MAB21L3: variants seen among roughly 807,000 people sequenced by gnomAD.
MAB21L3 encodes the protein mab-21 like 3, also known as protein mab-21-like 3.
Under a neutral mutation model 37.7 loss-of-function variants are expected in MAB21L3, and 36 were observed. The observed-to-expected ratio is 0.96, with a 90% CI of 0.73 to 1.26. The LOEUF is 1.26. Among genes scored for constraint, MAB21L3 ranks in the 50% most tolerant of loss-of-function variants. The probability of loss-of-function intolerance (pLI) is 0.00; values close to 1 mark genes in which losing one functional copy is unlikely to be tolerated. For missense variants in MAB21L3, 430 were observed against 447.3 expected, an observed-to-expected ratio of 0.96 and a Z score of 0.35; for synonymous variants, 186 against 176.8, an observed-to-expected ratio of 1.05 and a Z score of -0.41.
chr1:116,131,673 C>T (rs2101619245), intron 7 of MAB21L3, among the ~76,000 whole-genome samples: 1 of 152,264 alleles, frequency 6.6e-6, no homozygotes, highest in East Asian at 1.9e-4. Flanking sequence ...CGCCACCACG[C>T]CTGGCTAATT....
chr1:116,132,852 AT>A (rs758092935), intron 7 of MAB21L3, among the ~76,000 whole-genome samples: 44 of 152,114 alleles, frequency 2.9e-4, no homozygotes, highest in Non-Finnish European at 5.1e-4. Flanking sequence ...GAGGGGTTCC[AT>A]TTTCCCCGTA....
In MAB21L3 at chr1:116,127,685, C is replaced by T. The variant is rs776887636; in HGVS notation, c.660+41C>T. The T allele has an allele frequency of 1.2e-5, 19 of 1,568,146 alleles. No homozygotes were observed. In the African/African-American group the frequency reaches 2.4e-4, roughly 20 times the overall value. ...ACCCAGCTTGCCAGAGCAGTGATGC[C>T]AACAGCTTAACCAGTCACAGCATTA... On this transcript the variant is annotated intron_variant, in intron 6 of 7. Transcript: ENST00000369500.
chr1:116,121,122 TG>T, intron 4 of MAB21L3, 50 bp downstream of exon 4: 1 of 1,574,180 alleles, frequency 6.4e-7, no homozygotes. Context: ...CCAGGACACT[TG>T]GGCAGGTGAA....
intron 3 of MAB21L3, among the ~76,000 whole-genome samples, chr1:116,114,881 C>A (rs952391855): frequency 2.0e-5 from 3 of 152,106 alleles, no homozygotes; most frequent in African/African-American, 2.4e-5. Flanking sequence ...AGAGACAAAG[C>A]CTTGGAGGAA....
intron 3 of MAB21L3, among the ~76,000 whole-genome samples, chr1:116,120,233 T>C (rs1486503514): frequency 6.6e-6 from 1 of 152,134 alleles, no homozygotes; most frequent in Non-Finnish European, 1.5e-5. Flanking sequence ...AGGAGGAACA[T>C]GGAATCTGCT....
At chr1:116,120,831 C>A in intron 3 of MAB21L3, 101 bp from the exon 4 acceptor site, 1 of 1,454,552 alleles carries the variant, frequency 6.9e-7, no homozygotes, top group Non-Finnish European at 9.3e-7. Flanking sequence ...TGAACTCCCT[C>A]AGTCACCCCT....
chr1:116,115,937 G>A (rs1308166929), intron 3 of MAB21L3, among the ~76,000 whole-genome samples: 2 of 152,124 alleles, frequency 1.3e-5, no homozygotes, highest in Non-Finnish European at 2.9e-5. Flanking sequence ...CATGAACTAA[G>A]TTTGGTGACA....
Position 116,134,194 on chromosome 1 carries a change from T to A in MAB21L3, c.*829T>A, listed in dbSNP as rs773582374. ...TGGATGGAACTTCCTTATATATTTA[T>A]GTAAATAACCTAGTACTATGATCTG... On this transcript the variant is annotated 3_prime_UTR_variant, in exon 8 of 8. Coordinates refer to ENST00000369500, the MANE Select transcript of MAB21L3 (RefSeq NM_152367.3). 2 of 152,356 alleles carry A rather than the reference T, an allele frequency of 1.3e-5. No homozygotes were observed. The highest frequency in any genetic ancestry group is 4.8e-5 in the African/African-American group (2 of 41,474). The allele number at this position is 152,356 out of a possible 1,614,324, so 9.4% of individuals were successfully genotyped here. A position where few individuals can be genotyped will look rare whatever the true frequency, so the allele number is the denominator to read the frequency against.
chr1:116,135,436 T>A lies in MAB21L3; in HGVS notation c.*2071T>A, dbSNP rs1271581935. Among the ~76,000 whole-genome samples the A allele has an allele frequency of 3.3e-5, 5 of 152,042 alleles. No homozygotes were observed. In the East Asian group the frequency reaches 9.6e-4, roughly 29 times the overall value. On this transcript the variant is annotated 3_prime_UTR_variant, in exon 8 of 8. Transcript: ENST00000369500. ...TCCCAAGACTAAACCAGGAAGAAGTTGAATCTCTGAATAGACCAATAACAG... is the reference window on the plus strand; with the variant it reads ...TCCCAAGACTAAACCAGGAAGAAGTAGAATCTCTGAATAGACCAATAACAG...
Position 116,124,372 on chromosome 1 carries a change from A to G in MAB21L3, c.481+15A>G. The G allele has an allele frequency of 6.2e-7, 1 of 1,604,566 alleles. No individual in the cohort carries two copies. Among genetic ancestry groups the G allele is most frequent in the Non-Finnish European group, 8.5e-7 (1 of 1,176,682 alleles). Reference sequence around the variant, plus strand: ...TCACCTCTCAGGTGAGCTGATCAGGAACAAGTGCAAGGGTAATTGCTGGCA... The same window carrying G: ...TCACCTCTCAGGTGAGCTGATCAGGGACAAGTGCAAGGGTAATTGCTGGCA... On this transcript the variant is annotated intron_variant, in intron 5 of 7. Coordinates refer to ENST00000369500, the MANE Select transcript of MAB21L3 (RefSeq NM_152367.3).
chr1:116,121,174 A>AT, intron 4 of MAB21L3, 102 bp downstream of exon 4: 1 of 1,141,878 alleles, frequency 8.8e-7, no homozygotes, highest in South Asian at 1.5e-5. Flanking sequence ...CAGAATACTC[A>AT]TAACAATTCT....
rs1660216946 is a variant in MAB21L3 at position 116,137,305 on chromosome 1, A to C, written c.*3940A>C. Among the ~76,000 whole-genome samples the C allele has an allele frequency of 8.2e-6, 1 of 122,044 alleles. No homozygotes were observed. The highest frequency in any genetic ancestry group is 7.3e-5 in the Admixed American group (1 of 13,784). 80.1% of individuals were successfully genotyped at this position (122,044 alleles called of 152,430 possible). On this transcript the variant is annotated 3_prime_UTR_variant, in exon 8 of 8. Transcript: ENST00000369500. ...AAAAAAACAAACAACCCCAACAAAA[A>C]GTGGGTGAAGGACATGAACAGACAC...
At chr1:116,113,383 G>A (rs1388863801) in intron 3 of MAB21L3, among the ~76,000 whole-genome samples, 1 of 152,164 alleles carries the variant, frequency 6.6e-6, no homozygotes, top group Non-Finnish European at 1.5e-5. Context: ...CATTAAGAGA[G>A]ATAAATAAGG....
rs1659972312 is a variant in MAB21L3 at position 116,128,386 on chromosome 1, G to A, written c.855+47G>A. Reference sequence around the variant, plus strand: ...GAAGACCCAGGGGCAGCTTTGGATAGGTCATTCTTCCTGTGGCCTCTGTAG... The same window carrying A: ...GAAGACCCAGGGGCAGCTTTGGATAAGTCATTCTTCCTGTGGCCTCTGTAG... On this transcript the variant is annotated intron_variant, in intron 7 of 7. Transcript: ENST00000369500. 3.9e-6 allele frequency: 6 copies of A among 1,537,642 alleles called. 1 individual carries two copies. The East Asian group carries it at 1.4e-4, about 36-fold the overall frequency.
At chr1:116,117,043 C>T (rs1350198126) in intron 3 of MAB21L3, among the ~76,000 whole-genome samples, 2 of 151,694 alleles carry the variant, frequency 1.3e-5, no homozygotes, top group African/African-American at 4.8e-5. Context: ...TATGTGCATA[C>T]ATACACACAT....
rs766959877 is a variant in MAB21L3, at chr1:116,124,166, G to A, written c.290G>A (p.Gly97Asp). 6.4e-5 allele frequency: 104 copies of A among 1,614,252 alleles called. No individual in the cohort carries two copies. Among genetic ancestry groups the A allele is most frequent in the Non-Finnish European group, 8.4e-5 (99 of 1,180,048 alleles). ...CACTGGCGGTACTACACACTGCAGG[G>A]CACCAGGCTGCCCTGCCCGTTGCGG... ...EQHWRYYTLQ[G>D]TRLPCPLRDP... The change falls in exon 5 of 8, where the codon GGC becomes GAC. Residue 97 changes from glycine (G) to aspartate (D), a missense_variant. Gly to Asp is a moderately conservative substitution (Grantham distance 94, BLOSUM62 -1). Transcript: ENST00000369500.
At chr1:116,129,490 G>T (rs1660010796) in intron 7 of MAB21L3, among the ~76,000 whole-genome samples, 1 of 152,120 alleles carries the variant, frequency 6.6e-6, no homozygotes, top group African/African-American at 2.4e-5. Context: ...CAAGTCCCTG[G>T]GGCAGTCACC....
At chr1:116,112,219 A>T (rs1659441361) in intron 2 of MAB21L3, among the ~76,000 whole-genome samples, 188 bp from the exon 3 acceptor site, 1 of 152,126 alleles carries the variant, frequency 6.6e-6, no homozygotes, top group African/African-American at 2.4e-5. Context: ...GGTGGGGAGA[A>T]GCCAACTACA....
At chr1:116,113,473 G>A (rs1659484847) in intron 3 of MAB21L3, among the ~76,000 whole-genome samples, 1 of 152,174 alleles carries the variant, frequency 6.6e-6, no homozygotes, top group Non-Finnish European at 1.5e-5. Flanking sequence ...AAGTGGAAGA[G>A]ATATTGGCTG....
Sources: gnomAD v4.1 joint callset for allele counts (sites outside exome capture counted in the v4.1 genomes callset) on GRCh38, gnomAD v4.1.1 for gene constraint, MANE v1.5 for transcripts, NCBI Gene and HGNC (gene_info 2026-07-23, HGNC 2026-07-21) for gene names.